The following SLC24A4 variants were observed in gnomAD, a reference collection of about 807,000 sequenced individuals.
SLC24A4 encodes the protein sodium/potassium/calcium exchanger 4.
Under a neutral mutation model 79.0 loss-of-function variants are expected in SLC24A4, and 53 were observed. The ratio of observed to expected loss-of-function variants is 0.67; its 90% CI spans 0.54 to 0.84. The LOEUF (loss-of-function observed/expected upper bound fraction) is 0.84. Ranked by LOEUF, SLC24A4 falls within the 40% of genes least tolerant of loss-of-function variation. The probability of loss-of-function intolerance (pLI) is 0.00; values close to 1 mark genes in which losing one functional copy is unlikely to be tolerated. For missense variants in SLC24A4, 731 were observed against 822.0 expected (o/e 0.89, Z 1.35); for synonymous variants, 323 against 323.8 (o/e 1.00, Z 0.03).
intron 13 of SLC24A4, chr14:92,483,827 T>A: frequency 1.6e-6 from 2 of 1,289,910 alleles, no homozygotes; most frequent in South Asian, 2.5e-5. Flanking sequence ...ATCGAGTCCC[T>A]TTATTCTCCT....
intron 14 of SLC24A4, among the ~76,000 whole-genome samples, chr14:92,489,955 C>T (rs1350735534): frequency 6.6e-6 from 1 of 152,172 alleles, no homozygotes; most frequent in Non-Finnish European, 1.5e-5. Flanking sequence ...TCCAGGTTCC[C>T]AGAGACGCCA....
chr14:92,398,297 C>T lies in SLC24A4; in HGVS notation c.242-35615C>T, dbSNP rs1474373685. 6.6e-6 allele frequency among the ~76,000 whole-genome samples: 1 copy of T among 152,064 alleles called. No individual in the cohort carries two copies. Among genetic ancestry groups the T allele is most frequent in the Non-Finnish European group, 1.5e-5 (1 of 68,024 alleles). On this transcript the variant is annotated intron_variant, in intron 2 of 16. Transcript: ENST00000532405. This position sits in a 1 kb window ranked among gnomAD's most constrained non-coding sequence, Gnocchi z 4.1. ...TTATCTTCGGAGCAGTAGAGGTCACCGAGGGCTTCTGAGGGATGGCCTGGC... is the reference window on the plus strand; with the variant it reads ...TTATCTTCGGAGCAGTAGAGGTCACTGAGGGCTTCTGAGGGATGGCCTGGC...
At chr14:92,411,054 A>G (rs1455536518) in intron 2 of SLC24A4, among the ~76,000 whole-genome samples, 1 of 152,118 alleles carries the variant, frequency 6.6e-6, no homozygotes, top group Non-Finnish European at 1.5e-5. Flanking sequence ...CAGACTGACA[A>G]TCACGCCTCT....
At chr14:92,488,304 T>C (rs1251337341) in intron 14 of SLC24A4, among the ~76,000 whole-genome samples, 1 of 152,126 alleles carries the variant, frequency 6.6e-6, no homozygotes, top group Non-Finnish European at 1.5e-5. Context: ...ACTCCTGACC[T>C]CAAGTGATCC....
chr14:92,392,301 C>T (rs61975649), intron 2 of SLC24A4, among the ~76,000 whole-genome samples: 10,565 of 151,396 alleles, frequency 0.07, 509 homozygotes, highest in Non-Finnish European at 0.096. Flanking sequence ...AAAGAAAAGA[C>T]GATAGCAAAA....
intron 2 of SLC24A4, among the ~76,000 whole-genome samples, chr14:92,421,837 T>TA (rs1383871731): frequency 1.3e-5 from 2 of 151,558 alleles, no homozygotes; most frequent in African/African-American, 4.8e-5. Context: ...TTCATTTTTT[T>TA]AAAAAAAATA....
chr14:92,492,813 C>A, intron 16 of SLC24A4: 3 of 454,750 alleles, frequency 6.6e-6, no homozygotes, highest in South Asian at 3.1e-5. Context: ...GGAACTCTGA[C>A]TTTTTACTCG....
intron 13 of SLC24A4, 144 bp from the exon 14 acceptor site, chr14:92,486,522 T>C: frequency 1.6e-6 from 1 of 620,224 alleles, no homozygotes; most frequent in Non-Finnish European, 2.9e-6. Context: ...TTTTTTGTTT[T>C]GTTTTGTTTT....
intron 2 of SLC24A4, among the ~76,000 whole-genome samples, chr14:92,413,055 G>A (rs1374869460): frequency 6.6e-6 from 1 of 152,192 alleles, no homozygotes; most frequent in African/African-American, 2.4e-5. Flanking sequence ...CGGCAGCGTT[G>A]AATAGTTGCG....
chr14:92,399,600 G>A (rs900444799), intron 2 of SLC24A4, among the ~76,000 whole-genome samples: 1 of 152,194 alleles, frequency 6.6e-6, no homozygotes, highest in African/African-American at 2.4e-5. Context: ...GGTTATGGCT[G>A]TGAAATCTTG....
intron 12 of SLC24A4, among the ~76,000 whole-genome samples, chr14:92,457,062 C>T (rs144256508): frequency 6.6e-6 from 1 of 152,212 alleles, no homozygotes; most frequent in African/African-American, 2.4e-5. Flanking sequence ...GATCCTTAGA[C>T]AGTCATACCT....
chr14:92,358,184 G>T (rs1566711088), intron 2 of SLC24A4, among the ~76,000 whole-genome samples: 1 of 152,208 alleles, frequency 6.6e-6, no homozygotes, highest in Non-Finnish European at 1.5e-5. Flanking sequence ...GAAATACCGT[G>T]TAGGGAATTG....
intron 2 of SLC24A4, among the ~76,000 whole-genome samples, chr14:92,394,673 T>A (rs1889668903): frequency 6.6e-6 from 1 of 152,214 alleles, no homozygotes; most frequent in Non-Finnish European, 1.5e-5. Context: ...ACATAAAATT[T>A]TGTCCAAAAC....
rs542545756 is a variant in SLC24A4, at chr14:92,490,670, C to T, written c.1538-995C>T. Among the ~76,000 whole-genome samples, 4 of 152,164 alleles carry T rather than the reference C, an allele frequency of 2.6e-5. No homozygotes were observed. Among genetic ancestry groups the T allele is most frequent in the East Asian group, 1.9e-4 (1 of 5,176 alleles). Reference sequence around the variant, plus strand: ...CAAGCCTCAGTTTCATCTTCTGTCACGCGAGGTTATGCCCCACTCCGGCCT... The same window carrying T: ...CAAGCCTCAGTTTCATCTTCTGTCATGCGAGGTTATGCCCCACTCCGGCCT... On this transcript the variant is annotated intron_variant, in intron 14 of 16. Coordinates refer to ENST00000532405, the MANE Select transcript of SLC24A4 (RefSeq NM_153646.4). The surrounding 1 kb of genome is among the most constrained non-coding windows in gnomAD (Gnocchi z 4.3).
intron 2 of SLC24A4, among the ~76,000 whole-genome samples, chr14:92,348,981 C>T (rs889763604): frequency 6.6e-6 from 1 of 151,878 alleles, no homozygotes; most frequent in Admixed American, 6.6e-5. Flanking sequence ...GTTACCAGCT[C>T]GCAGGGAGGC....
intron 12 of SLC24A4, among the ~76,000 whole-genome samples, chr14:92,471,090 C>T (rs1052191255): frequency 1.3e-5 from 2 of 152,222 alleles, no homozygotes; most frequent in African/African-American, 4.8e-5. Flanking sequence ...ACAGAAAACT[C>T]AAGTGACAGA....
At position 92,447,433 on chromosome 14, in the gene SLC24A4, C is replaced by T. The variant is rs755054439; in HGVS notation, c.737+9C>T. 3 of 1,613,884 alleles carry T rather than the reference C, an allele frequency of 1.9e-6. No homozygotes were observed. The highest frequency in any genetic ancestry group is 1.7e-5 in the Admixed American group (1 of 60,034). On this transcript the variant is annotated intron_variant, in intron 9 of 16. Coordinates refer to ENST00000532405, the MANE Select transcript of SLC24A4 (RefSeq NM_153646.4). ...TATATTCTGATCATGAAGTAAGTGCCCTTTCTCCTCCCCGGGGCTGCCGAC... is the reference window on the plus strand; with the variant it reads ...TATATTCTGATCATGAAGTAAGTGCTCTTTCTCCTCCCCGGGGCTGCCGAC...
intron 10 of SLC24A4, chr14:92,453,535 A>C (rs11849934): frequency 0.24 from 40,706 of 171,886 alleles, 5,091 homozygotes; most frequent in Non-Finnish European, 0.27. Flanking sequence ...GAAAAGTGGT[A>C]GGCCCCCGTG....
intron 2 of SLC24A4, among the ~76,000 whole-genome samples, chr14:92,428,213 G>A (rs913686238): frequency 1.3e-5 from 2 of 152,160 alleles, no homozygotes; most frequent in Non-Finnish European, 2.9e-5. Flanking sequence ...GCCTCTTGAC[G>A]CTTAGGTCTG....
Sources: gnomAD v4.1 joint callset for allele counts (sites outside exome capture counted in the v4.1 genomes callset) on GRCh38, gnomAD v4.1.1 for gene constraint, Gnocchi (gnomAD v3.1) non-coding constraint, MANE v1.5 for transcripts, NCBI Gene and HGNC (gene_info 2026-07-23, HGNC 2026-07-21) for gene names.